PLAU: variants seen among roughly 807,000 people sequenced by gnomAD.
The protein encoded by PLAU is plasminogen activator, urokinase.
Under a neutral mutation model 48.9 loss-of-function variants are expected in PLAU, and 32 were observed. That is an observed-to-expected ratio of 0.65 (90% CI 0.49 to 0.88). The LOEUF is 0.88. Among genes scored for constraint, PLAU ranks in the 40% least tolerant of loss-of-function variants. The pLI, the probability that PLAU is intolerant of heterozygous loss-of-function variation, is 0.00. For synonymous variants in PLAU, 199 were observed against 205.7 expected (o/e 0.97, Z 0.28); for missense variants, 455 against 545.2 (o/e 0.83, Z 1.65).
rs1459906291 is a variant in PLAU at position 73,914,046 on chromosome 10, AG to A, written c.751del (p.Glu251ArgfsTer2). The A allele has an allele frequency of 1.2e-6, 2 of 1,613,806 alleles. No individual in the cohort carries two copies. Among genetic ancestry groups the A allele is most frequent in the South Asian group, 2.2e-5 (2 of 91,084 alleles). On this transcript the variant is annotated frameshift_variant, in exon 8 of 11. Coordinates refer to ENST00000372764, the MANE Select transcript of PLAU (RefSeq NM_002658.6). LOFTEE classifies it high-confidence loss of function. The stretch of plus-strand genomic sequence containing the variant: ...GCTCAAGGCTTAACTCCAACACGCA[AG>A]GGGAGATGAAGTTTGAGGTGGAAAA... ...GRSRLNSNTQ[G>X]EMKFEVENLI...
rs1044614959 is a variant in PLAU, at chr10:73,917,077, A to T, written c.*512A>T. 2 of 159,440 alleles carry T rather than the reference A, an allele frequency of 1.3e-5. No individual in the cohort carries two copies. The highest frequency in any genetic ancestry group is 4.8e-5 in the African/African-American group (2 of 41,462). The allele number at this position is 159,440 out of a possible 1,614,324, so 9.9% of individuals were successfully genotyped here. A position where few individuals can be genotyped will look rare whatever the true frequency, so the allele number is the denominator to read the frequency against. ...ATTCCATGAATGTATCAGGAAATAT[A>T]TATGTGTGTGTATGTTTGCACACTT... On this transcript the variant is annotated 3_prime_UTR_variant, in exon 11 of 11. Coordinates refer to ENST00000372764, the MANE Select transcript of PLAU (RefSeq NM_002658.6).
chr10:73,916,410 G>A lies in PLAU; in HGVS notation c.1141G>A (p.Val381Ile), dbSNP rs141630912. The change falls in exon 11 of 11, where the codon GTC becomes ATC. Residue 381 changes from valine to isoleucine, a missense_variant. By Grantham distance (29) the Val-to-Ile change is conservative. Transcript: ENST00000372764. Reference sequence around the variant, plus strand: ...ACAGGGAGACTCAGGGGGACCCCTCGTCTGTTCCCTCCAAGGCCGCATGAC... The same window carrying A: ...ACAGGGAGACTCAGGGGGACCCCTCATCTGTTCCCTCCAAGGCCGCATGAC... The part of the protein sequence containing the change: ...SCQGDSGGPL[V>I]CSLQGRMTLT... 1.1e-5 allele frequency: 18 copies of A among 1,613,204 alleles called. No homozygotes were observed. Among genetic ancestry groups the A allele is most frequent in the South Asian group, 7.7e-5 (7 of 90,900 alleles).
chr10:73,915,404 G>T lies in PLAU; in HGVS notation c.1119+5G>T. The stretch of plus-strand genomic sequence containing the variant: ...TGGAAAACAGATTCCTGCCAGGTGA[G>T]TGTTCCAAGCATCTCTCTCCACCTC... On this transcript the variant is annotated splice_donor_5th_base_variant and intron_variant, in intron 10 of 10. Coordinates refer to ENST00000372764, the MANE Select transcript of PLAU (RefSeq NM_002658.6). 6.2e-7 allele frequency: 1 copy of T among 1,601,202 alleles called. No homozygotes were observed. The highest frequency in any genetic ancestry group is 2.2e-5 in the East Asian group (1 of 44,752).
rs1053619510 is a variant in PLAU, at chr10:73,911,169, G to A, written c.-81G>A. On this transcript the variant is annotated 5_prime_UTR_variant, in exon 1 of 11. Transcript: ENST00000372764. ...CCGCAGCCCCGGAGCCCGGGCCAGG[G>A]TCCACCTGTCCCCGCAGCGCCGGCT... is the stretch of plus-strand genomic sequence containing the variant. 3 of 270,554 alleles carry A rather than the reference G, an allele frequency of 1.1e-5. No homozygotes were observed. The highest frequency in any genetic ancestry group is 2.1e-5 in the Non-Finnish European group (3 of 144,764). 16.8% of individuals were successfully genotyped at this position (270,554 alleles called of 1,614,324 possible).
In PLAU at chr10:73,912,254, A is replaced by G. The variant is rs1457375765; in HGVS notation, c.125A>G (p.Asn42Ser). The G allele has an allele frequency of 1.2e-6, 2 of 1,614,132 alleles. No homozygotes were observed. Among genetic ancestry groups the G allele is most frequent in the Non-Finnish European group, 1.7e-6 (2 of 1,180,050 alleles). Residue 42 changes from asparagine to serine, a missense_variant, in exon 4 of 11, where the codon AAC becomes AGC. Asn to Ser is a conservative substitution (Grantham distance 46). Transcript: ENST00000372764. ...CTAAATGGAGGAACATGTGTGTCCA[A>G]CAAGTACTTCTCCAACATTCACTGG... ...DCLNGGTCVS[N>S]KYFSNIHWCN...
At chr10:73,916,252 A>G (rs1449691249) in intron 10 of PLAU, 137 bp from the exon 11 acceptor site, 5 of 783,434 alleles carry the variant, frequency 6.4e-6, no homozygotes, top group Non-Finnish European at 1.0e-5. Context: ...TCCCCCCGAA[A>G]AAAAGAAAGA....
chr10:73,911,417 C>T, intron 1 of PLAU, 108 bp from the exon 2 acceptor site: 2 of 1,145,908 alleles, frequency 1.7e-6, no homozygotes, highest in South Asian at 1.3e-5. Context: ...AGGAGAGAGA[C>T]AGCTGGGGAG....
At chr10:73,911,988 G>A (rs2096125430) in intron 2 of PLAU, 53 bp from the exon 3 acceptor site, 1 of 1,614,102 alleles carries the variant, frequency 6.2e-7, no homozygotes, top group Non-Finnish European at 8.5e-7. Flanking sequence ...CCTCACCCTG[G>A]AGTCCCTGGA....
At chr10:73,909,207 A>C (rs2096120110), upstream of PLAU, 1 of 152,184 alleles carries the variant, frequency 6.6e-6, no homozygotes, top group African/African-American at 2.4e-5. Context: ...CCAGCCAAGT[A>C]ATCTGGAGTC....
At chr10:73,916,159 G>A (rs1417688680) in intron 10 of PLAU, among the ~76,000 whole-genome samples, 3 of 152,176 alleles carry the variant, frequency 2.0e-5, no homozygotes, top group Admixed American at 1.3e-4. Context: ...CATGGGAATC[G>A]CTTGAGCACA....
At chr10:73,915,422 T>C (rs2096134701) in intron 10 of PLAU, 23 bp downstream of exon 10, 1 of 1,577,288 alleles carries the variant, frequency 6.3e-7, no homozygotes, top group South Asian at 1.2e-5. Context: ...AGCATCTCTC[T>C]CCACCTCTTC....
Position 73,913,196 on chromosome 10 carries a change from G to A in PLAU, c.369-94G>A. 3 of 1,574,640 alleles carry A rather than the reference G, an allele frequency of 1.9e-6. No individual in the cohort carries two copies. The South Asian group carries it at 3.4e-5, about 18-fold the overall frequency. On this transcript the variant is annotated intron_variant, in intron 5 of 10. Transcript: ENST00000372764. The stretch of plus-strand genomic sequence containing the variant: ...CCAGAGGGCTGGCCATAGCACAAGA[G>A]AAGTGCGGCCTCTGGTTGAGTCTTC...
chr10:73,912,239 G>C lies in PLAU; in HGVS notation c.110G>C (p.Gly37Ala). The change falls in exon 4 of 11, where the codon GGA (glycine) becomes GCA (alanine). Residue 37 changes from glycine to alanine, a missense_variant. Coordinates refer to ENST00000372764, the MANE Select transcript of PLAU (RefSeq NM_002658.6). ...GCGAACTGTGACTGTCTAAATGGAG[G>C]AACATGTGTGTCCAACAAGTACTTC... is the stretch of plus-strand genomic sequence containing the variant. Reference protein sequence around the residue: ...VPSNCDCLNGGTCVSNKYFSN... With the variant: ...VPSNCDCLNGATCVSNKYFSN... The C allele has an allele frequency of 6.2e-7, 1 of 1,614,134 alleles. No homozygotes were observed. Among genetic ancestry groups the C allele is most frequent in the Non-Finnish European group, 8.5e-7 (1 of 1,180,040 alleles).
intron 10 of PLAU, 52 bp downstream of exon 10, chr10:73,915,451 C>T (rs1162760935): frequency 2.6e-6 from 4 of 1,525,756 alleles, no homozygotes; most frequent in Admixed American, 2.0e-5. Flanking sequence ...CCCAGAGCTC[C>T]TGGGCTTGTT....
In PLAU at chr10:73,912,724, G is replaced by A. The variant is rs113931971; in HGVS notation, c.194-200G>A. ...AAATCAGCCTGGCATGGTAGTGGAT[G>A]CCTGTAGTCCCAGCTACTTGGGAGG... On this transcript the variant is annotated intron_variant, in intron 4 of 10. Transcript: ENST00000372764. Among the ~76,000 whole-genome samples the A allele has an allele frequency of 3.7e-3, 570 of 152,138 alleles. 3 individuals carry two copies. Among genetic ancestry groups the A allele is most frequent in the African/African-American group, 0.013 (527 of 41,498 alleles).
intron 2 of PLAU, 171 bp downstream of exon 2, chr10:73,911,783 T>A (rs771007926): frequency 6.4e-7 from 1 of 1,551,390 alleles, no homozygotes; most frequent in South Asian, 1.2e-5. Context: ...ACCACGGGGG[T>A]TGGCACTGGC....
Position 73,912,964 on chromosome 10 carries a change from C to T in PLAU, c.234C>T (p.Tyr78=). Residue 78 remains tyrosine, a synonymous_variant, in exon 5 of 11, where the codon TAC becomes TAT. Coordinates refer to ENST00000372764, the MANE Select transcript of PLAU (RefSeq NM_002658.6). Reference sequence around the variant, plus strand: ...GCTATGAGGGGAATGGTCACTTTTACCGAGGAAAGGCCAGCACTGACACCA... The same window carrying T: ...GCTATGAGGGGAATGGTCACTTTTATCGAGGAAAGGCCAGCACTGACACCA... ...KTCYEGNGHF[Y]RGKASTDTMG... is the part of the protein sequence containing the mutation. 6.2e-7 allele frequency: 1 copy of T among 1,613,970 alleles called. No homozygotes were observed. Among genetic ancestry groups the T allele is most frequent in the Non-Finnish European group, 8.5e-7 (1 of 1,179,938 alleles).
chr10:73,912,286 T>A lies in PLAU; in HGVS notation c.157T>A (p.Cys53Ser), dbSNP rs1434596738. 1 of 1,573,034 alleles carries A rather than the reference T, an allele frequency of 6.4e-7. No homozygotes were observed. ...CTTCTCCAACATTCACTGGTGCAAC[T>A]GCCCAAAGAAATTCGGAGGGCAGCA... ...KYFSNIHWCN[C>S]PKKFGGQHCE... The change falls in exon 4 of 11, where the codon TGC becomes AGC. Residue 53 changes from cysteine to serine, a missense_variant. Physicochemically the swap from Cys to Ser is moderately radical, Grantham distance 112 (BLOSUM62 -1). Coordinates refer to ENST00000372764, the MANE Select transcript of PLAU (RefSeq NM_002658.6).
At chr10:73,911,766 C>A in intron 2 of PLAU, 154 bp downstream of exon 2, 1 of 1,552,140 alleles carries the variant, frequency 6.4e-7, no homozygotes, top group Middle Eastern at 1.7e-4. Context: ...GCAGCGGAGG[C>A]TTGAGAACCA....
Sources: allele counts gnomAD v4.1 joint callset (sites outside exome capture counted in the v4.1 genomes callset), GRCh38; gene constraint gnomAD v4.1.1; transcripts MANE v1.5; gene names NCBI Gene and HGNC (gene_info 2026-07-23, HGNC 2026-07-21).